ATP8B4: variants seen among roughly 807,000 people sequenced by gnomAD.
ATP8B4 encodes the protein ATPase phospholipid transporting 8B4 (putative).
A neutral mutation model predicts 145.6 loss-of-function variants in ATP8B4; 133 were observed. That is an observed-to-expected ratio of 0.91 (90% CI 0.79 to 1.05). The LOEUF (loss-of-function observed/expected upper bound fraction) is 1.05. Among genes scored for constraint, ATP8B4 ranks in the 50% least tolerant of loss-of-function variants. The pLI, the probability that ATP8B4 is intolerant of heterozygous loss-of-function variation, is 0.00. For synonymous variants in ATP8B4, 507 were observed against 492.9 expected, an observed-to-expected ratio of 1.03 and a Z score of -0.38; for missense variants, 1,458 against 1,425.2, an observed-to-expected ratio of 1.02 and a Z score of -0.37.
At chr15:49,970,477 A>G (rs1203228666) in intron 13 of ATP8B4, among the ~76,000 whole-genome samples, 2 of 152,182 alleles carry the variant, frequency 1.3e-5, no homozygotes, top group Non-Finnish European at 2.9e-5. Context: ...ATACACCAAT[A>G]ATAGACAAAC....
chr15:49,993,099 T>C (rs2047162135), intron 9 of ATP8B4, among the ~76,000 whole-genome samples: 1 of 151,994 alleles, frequency 6.6e-6, no homozygotes, highest in South Asian at 2.1e-4. Context: ...AAAAGAACCT[T>C]GGTAATATAT....
chr15:49,894,040 T>C (rs138209955), intron 23 of ATP8B4, among the ~76,000 whole-genome samples: 197 of 152,344 alleles, frequency 1.3e-3, no homozygotes, highest in Non-Finnish European at 2.2e-3. Flanking sequence ...TGTCACTGAC[T>C]GGCTGTCCTC....
intron 6 of ATP8B4, among the ~76,000 whole-genome samples, chr15:50,014,107 C>T (rs2048916119): frequency 6.6e-6 from 1 of 152,172 alleles, no homozygotes. Flanking sequence ...TGTTCTAATG[C>T]TCCTGATTTC....
At chr15:49,969,970 T>C (rs561438031) in intron 13 of ATP8B4, among the ~76,000 whole-genome samples, 1 of 152,220 alleles carries the variant, frequency 6.6e-6, no homozygotes, top group Admixed American at 6.5e-5. Context: ...GTTCAACATA[T>C]GCAAACCAAT....
At chr15:50,054,813 A>AC (rs1807317655) in intron 3 of ATP8B4, among the ~76,000 whole-genome samples, 3 of 149,340 alleles carry the variant, frequency 2.0e-5, no homozygotes, top group African/African-American at 7.5e-5. Context: ...AAAAAAACAA[A>AC]AAAAAAAAAA....
rs559297373 is a variant in ATP8B4, at chr15:50,056,568, G to T, written c.88-9104C>A. On this transcript the variant is annotated intron_variant, in intron 3 of 27. Coordinates refer to ENST00000284509, the MANE Select transcript of ATP8B4 (RefSeq NM_024837.4). The stretch of plus-strand genomic sequence containing the variant: ...GTGGGAATACGTGTCCCCTAGGGGT[G>T]CTCGTTTCCTGGGTGCCCAAAAGAA... 4.3e-4 allele frequency among the ~76,000 whole-genome samples: 66 copies of T among 152,228 alleles called. 1 individual carries two copies. In the South Asian group the frequency reaches 5.8e-3, roughly 13 times the overall value.
rs2031302506 is a variant in ATP8B4 at position 49,859,842 on chromosome 15, C to T, written c.*352G>A. The T allele has an allele frequency of 4.5e-6, 1 of 220,960 alleles. No homozygotes were observed. Among genetic ancestry groups the T allele is most frequent in the Non-Finnish European group, 8.9e-6 (1 of 112,564 alleles). 13.7% of individuals were successfully genotyped at this position (220,960 alleles called of 1,614,324 possible). ...CCTTTAAAATGCACCCTTTTATCCG[C>T]CTGAGGATCCATTCAGTGAATATGC... On this transcript the variant is annotated 3_prime_UTR_variant, in exon 28 of 28. Coordinates refer to ENST00000284509, the MANE Select transcript of ATP8B4 (RefSeq NM_024837.4).
intron 25 of ATP8B4, among the ~76,000 whole-genome samples, chr15:49,866,773 G>A (rs1018089981): frequency 6.6e-6 from 1 of 152,218 alleles, no homozygotes. Flanking sequence ...TCTTTTAAGT[G>A]AGAAATATGA....
chr15:50,168,647 T>G (rs1405253069), intron 1 of ATP8B4, among the ~76,000 whole-genome samples: 1 of 152,034 alleles, frequency 6.6e-6, no homozygotes, highest in Non-Finnish European at 1.5e-5. Context: ...TAGTTAAACT[T>G]TGTGACAATT....
At chr15:49,983,778 C>T (rs2046360595) in intron 10 of ATP8B4, among the ~76,000 whole-genome samples, 1 of 152,214 alleles carries the variant, frequency 6.6e-6, no homozygotes, top group Non-Finnish European at 1.5e-5. Context: ...GGTCTAGCCC[C>T]TATCCATGTC....
intron 14 of ATP8B4, among the ~76,000 whole-genome samples, chr15:49,947,241 G>A (rs1391375829): frequency 1.3e-5 from 2 of 152,008 alleles, no homozygotes; most frequent in African/African-American, 4.8e-5. Flanking sequence ...GACCATCCTG[G>A]CCAACATGGT....
At chr15:50,037,492 G>T (rs1223511570) in intron 6 of ATP8B4, among the ~76,000 whole-genome samples, 1 of 152,156 alleles carries the variant, frequency 6.6e-6, no homozygotes, top group African/African-American at 2.4e-5. Flanking sequence ...CTCCATCCAT[G>T]GGAGAGAACA....
chr15:49,917,214 G>A, intron 19 of ATP8B4, 175 bp from the exon 20 acceptor site: 1 of 549,482 alleles, frequency 1.8e-6, no homozygotes, highest in Non-Finnish European at 3.1e-6. Context: ...TCAAAGACCT[G>A]GGTTTCAGGA....
intron 3 of ATP8B4, among the ~76,000 whole-genome samples, chr15:50,051,003 G>T (rs2052143980): frequency 6.6e-6 from 1 of 152,004 alleles, no homozygotes; most frequent in Non-Finnish European, 1.5e-5. Flanking sequence ...TCTGTTAAAT[G>T]ACCATTTTTA....
chr15:50,054,450 G>C (rs1401415030), intron 3 of ATP8B4, among the ~76,000 whole-genome samples: 1 of 152,126 alleles, frequency 6.6e-6, no homozygotes, highest in African/African-American at 2.4e-5. Flanking sequence ...CGCTAACCTA[G>C]TATTTTGAGA....
At chr15:50,128,424 T>G (rs2057321190) in intron 1 of ATP8B4, among the ~76,000 whole-genome samples, 1 of 152,222 alleles carries the variant, frequency 6.6e-6, no homozygotes, top group Admixed American at 6.5e-5. Flanking sequence ...TGCTTGAGGC[T>G]ATGTTCCTGC....
Position 50,074,160 on chromosome 15 carries a change from A to G in ATP8B4, c.54T>C (p.Asn18=). ...LREVERIVKA[N]DREYNEKFQY... is the part of the protein sequence containing the mutation. ...GGAACTTTTCATTATATTCACGGTC[A>G]TTGGCTTTCACTATCCGTTCCACTT... is the stretch of plus-strand genomic sequence containing the variant. Residue 18 remains asparagine (N), a synonymous_variant, in exon 3 of 28, where the codon AAT becomes AAC. Coordinates refer to ENST00000284509, the MANE Select transcript of ATP8B4 (RefSeq NM_024837.4). 1 of 1,613,142 alleles carries G rather than the reference A, an allele frequency of 6.2e-7. No homozygotes were observed. Among genetic ancestry groups the G allele is most frequent in the Admixed American group, 1.7e-5 (1 of 59,864 alleles).
chr15:49,996,528 G>C (rs112886947), intron 9 of ATP8B4, 149 bp downstream of exon 9: 7 of 591,524 alleles, frequency 1.2e-5, no homozygotes, highest in African/African-American at 1.8e-5. Flanking sequence ...ACTCTTTTTA[G>C]CGTGCGAAGA....
chr15:49,981,382 A>C, intron 10 of ATP8B4, 88 bp from the exon 11 acceptor site: 1 of 1,004,876 alleles, frequency 1.0e-6, no homozygotes, highest in Non-Finnish European at 1.4e-6. Flanking sequence ...CTGAAAGAAA[A>C]AAATATATAT....
Sources: gnomAD v4.1 joint callset for allele counts (sites outside exome capture counted in the v4.1 genomes callset) on GRCh38, gnomAD v4.1.1 for gene constraint, MANE v1.5 for transcripts, NCBI Gene and HGNC (gene_info 2026-07-23, HGNC 2026-07-21) for gene names.